IQANK1: variants seen among roughly 807,000 people sequenced by gnomAD.
IQANK1 encodes the protein IQ motif and ankyrin repeat containing 1, also known as IQ motif and ankyrin repeat domain-containing protein 1.
In IQANK1, 30 loss-of-function variants were observed where a neutral mutation model predicts 22.6. That is an observed-to-expected ratio of 1.33 (90% CI 0.99 to 1.80). The LOEUF (loss-of-function observed/expected upper bound fraction) is 1.80. IQANK1 is among the 40% of genes most tolerant of loss of function. The probability of loss-of-function intolerance (pLI) is 0.00; values close to 1 mark genes in which losing one functional copy is unlikely to be tolerated. For missense variants in IQANK1, 275 were observed against 235.2 expected (o/e 1.17, Z -1.11); for synonymous variants, 122 against 99.6 (o/e 1.23, Z -1.34).
Position 143,735,985 on chromosome 8 carries a change from C to T in IQANK1, c.85+47C>T. The T allele has an allele frequency of 1.4e-6, 1 of 701,816 alleles. No individual in the cohort carries two copies. Among genetic ancestry groups the T allele is most frequent in the East Asian group, 2.7e-5 (1 of 37,254 alleles). 43.5% of individuals were successfully genotyped at this position (701,816 alleles called of 1,614,324 possible). On this transcript the variant is annotated intron_variant, in intron 2 of 13. Coordinates refer to ENST00000527139, the MANE Select transcript of IQANK1 (RefSeq NM_001381874.1). This position sits in a 1 kb window ranked among gnomAD's most constrained non-coding sequence, Gnocchi z 5.2. ...CAGAGCACTGTCACCCAGACACTGA[C>T]CTGTGAGACCTTCTATGTAGCCACC...
chr8:143,742,401 G>A (rs782184466), intron 3 of IQANK1: 71 of 455,910 alleles, frequency 1.6e-4, no homozygotes, highest in Non-Finnish European at 2.6e-4. Flanking sequence ...GCCTTTCCCA[G>A]CCTTTCCTCT....
At chr8:143,756,966 G>A (rs1166155752) in intron 3 of IQANK1, among the ~76,000 whole-genome samples, 3 of 147,126 alleles carry the variant, frequency 2.0e-5, no homozygotes, top group Admixed American at 1.4e-4. Flanking sequence ...TGACAGAATA[G>A]GACCCTGTCT....
chr8:143,739,160 T>A (rs1554626103), intron 2 of IQANK1, among the ~76,000 whole-genome samples: 1 of 152,146 alleles, frequency 6.6e-6, no homozygotes, highest in Non-Finnish European at 1.5e-5. Context: ...GGATCAGAGC[T>A]GCCTTTGGGT....
At position 143,735,376 on chromosome 8, in the gene IQANK1, G is replaced by A. The variant is rs1167655770; in HGVS notation, c.-4-474G>A. Among the ~76,000 whole-genome samples the A allele has an allele frequency of 6.6e-6, 1 of 152,214 alleles. No homozygotes were observed. Among genetic ancestry groups the A allele is most frequent in the African/African-American group, 2.4e-5 (1 of 41,452 alleles). The stretch of plus-strand genomic sequence containing the variant: ...CCGGGACCACATAAGGTCTGAGGGT[G>A]TGGAGGGGTGAGTGCCTTGGGTGGG... On this transcript the variant is annotated intron_variant, in intron 1 of 13. Coordinates refer to ENST00000527139, the MANE Select transcript of IQANK1 (RefSeq NM_001381874.1). The surrounding 1 kb of genome is among the most constrained non-coding windows in gnomAD (Gnocchi z 5.2).
intron 3 of IQANK1, chr8:143,742,481 C>T (rs961814106): frequency 3.7e-5 from 17 of 455,912 alleles, no homozygotes; most frequent in South Asian, 2.0e-4. Flanking sequence ...ACTTGGGCCC[C>T]GGGACTCGCC....
chr8:143,747,392 C>T (rs1317164634), intron 3 of IQANK1, among the ~76,000 whole-genome samples: 1 of 152,006 alleles, frequency 6.6e-6, no homozygotes, highest in South Asian at 2.1e-4. Context: ...TTATTTCCTT[C>T]CTTCTGCTAG....
rs1819585697 is a variant in IQANK1 at position 143,772,043 on chromosome 8, G to A, written c.472-9G>A. 2.5e-6 allele frequency: 1 copy of A among 396,404 alleles called. No individual in the cohort carries two copies. The highest frequency in any genetic ancestry group is 3.6e-5 in the East Asian group (1 of 27,936). 24.6% of individuals were successfully genotyped at this position (396,404 alleles called of 1,614,324 possible). A position where few individuals can be genotyped will look rare whatever the true frequency, so the allele number is the denominator to read the frequency against. On this transcript the variant is annotated splice_polypyrimidine_tract_variant and intron_variant, in intron 5 of 13. Coordinates refer to ENST00000527139, the MANE Select transcript of IQANK1 (RefSeq NM_001381874.1). The stretch of plus-strand genomic sequence containing the variant: ...GAGCGGGGAGCGGTGACCGCGGCGA[G>A]CTGCGCAGGTGGAGCAGCTGCTGAC...
intron 1 of IQANK1, 39 bp downstream of exon 1, chr8:143,734,258 C>G (rs1288150180): frequency 1.3e-5 from 2 of 152,066 alleles, no homozygotes; most frequent in Non-Finnish European, 1.5e-5. Context: ...CGGGCGGGGC[C>G]GGGTCTGGGA....
chr8:143,790,402 G>A lies in IQANK1; in HGVS notation c.1477G>A (p.Val493Met), dbSNP rs956816480. Residue 493 changes from valine (V) to methionine (M), a missense_variant, in exon 14 of 14, where the codon GTG (valine) becomes ATG (methionine). Val to Met is a conservative substitution (Grantham distance 21). Transcript: ENST00000527139. ...DLREEDLFPV[V>M]QRQLEAVQER... ...GCGAGAGGAAGACCTGTTCCCAGTC[G>A]TGCAGCGGCAGCTGGAGGCGGTGCA... 7 of 836,824 alleles carry A rather than the reference G, an allele frequency of 8.4e-6. No homozygotes were observed. Among genetic ancestry groups the A allele is most frequent in the Non-Finnish European group, 9.6e-6 (6 of 628,070 alleles). The allele number at this position is 836,824 out of a possible 1,614,324, so 51.8% of individuals were successfully genotyped here.
At chr8:143,749,341 A>G (rs1373453602) in intron 3 of IQANK1, among the ~76,000 whole-genome samples, 1 of 2,846 alleles carries the variant, frequency 3.5e-4, no homozygotes, top group Non-Finnish European at 1.4e-3. Context: ...TAAAATATAT[A>G]AAAACATAAA....
chr8:143,734,375 A>C (rs1818663208), intron 1 of IQANK1, among the ~76,000 whole-genome samples, 156 bp downstream of exon 1: 2 of 142,242 alleles, frequency 1.4e-5, no homozygotes, highest in East Asian at 2.2e-4. Flanking sequence ...CCAGACCCCA[A>C]CCCCCACCAC....
At chr8:143,746,082 A>T (rs952948882) in intron 3 of IQANK1, 1 of 152,200 alleles carries the variant, frequency 6.6e-6, no homozygotes, top group Non-Finnish European at 1.5e-5. Context: ...CTATTCATAC[A>T]TATAAAATCA....
chr8:143,764,323 C>G (rs1819447941), intron 3 of IQANK1, among the ~76,000 whole-genome samples: 1 of 152,014 alleles, frequency 6.6e-6, no homozygotes, highest in Admixed American at 6.6e-5. Context: ...TCAGAAATAA[C>G]AAACGTGCAG....
chr8:143,747,790 G>T (rs946236171), intron 3 of IQANK1, among the ~76,000 whole-genome samples: 1 of 152,026 alleles, frequency 6.6e-6, no homozygotes, highest in Non-Finnish European at 1.5e-5. Flanking sequence ...GAGTTAATTT[G>T]TGGCCTAACA....
chr8:143,790,017 C>T lies in IQANK1; in HGVS notation c.1242C>T (p.His414=), dbSNP rs1228587264. The T allele has an allele frequency of 1.5e-5, 19 of 1,231,952 alleles. No individual in the cohort carries two copies. Among genetic ancestry groups the T allele is most frequent in the Admixed American group, 4.2e-5 (1 of 23,706 alleles). The allele number at this position is 1,231,952 out of a possible 1,614,324, so 76.3% of individuals were successfully genotyped here. The part of the protein sequence containing the change: ...PGLKCQVTEL[H]DVLMKDVGNR... ...TGAAGTGCCAGGTCACCGAGCTGCA[C>T]GATGTGCTGATGAAAGATGTAGGCA... The change falls in exon 12 of 14, where the codon CAC becomes CAT. Residue 414 remains histidine (H), a synonymous_variant. Coordinates refer to ENST00000527139, the MANE Select transcript of IQANK1 (RefSeq NM_001381874.1).
chr8:143,772,715 G>T (rs1200309595), intron 7 of IQANK1, among the ~76,000 whole-genome samples: 2 of 152,204 alleles, frequency 1.3e-5, no homozygotes, highest in African/African-American at 4.8e-5. Context: ...TGGAAGTCCT[G>T]ACTTTAAAAC....
chr8:143,779,667 C>T (rs1282813836), intron 7 of IQANK1, among the ~76,000 whole-genome samples: 1 of 152,234 alleles, frequency 6.6e-6, no homozygotes, highest in Non-Finnish European at 1.5e-5. Context: ...TTTCCGTCTA[C>T]TCCAGTTCTT....
intron 3 of IQANK1, 59 bp downstream of exon 3, chr8:143,740,007 G>T: frequency 1.5e-6 from 1 of 650,984 alleles, no homozygotes; most frequent in Non-Finnish European, 2.8e-6. Flanking sequence ...TGGCAGGGGG[G>T]TGCCCTGGCC....
At chr8:143,785,045 T>C (rs1467203113) in intron 7 of IQANK1, among the ~76,000 whole-genome samples, 3 of 152,216 alleles carry the variant, frequency 2.0e-5, no homozygotes, top group Non-Finnish European at 4.4e-5. Context: ...ATTTTGGTTA[T>C]TTTAATTTTC....
Sources: allele counts gnomAD v4.1 joint callset (sites outside exome capture counted in the v4.1 genomes callset), GRCh38; gene constraint gnomAD v4.1.1; non-coding constraint Gnocchi (gnomAD v3.1); transcripts MANE v1.5; gene names NCBI Gene and HGNC (gene_info 2026-07-23, HGNC 2026-07-21).